Variants in DOCK3 observed in about 807,000 individuals in gnomAD.
DOCK3 encodes the protein dedicator of cytokinesis 3.
DOCK3 carries 60 observed loss-of-function variants against 265.6 expected under a neutral mutation model. The observed-to-expected ratio is 0.23, with a 90% CI of 0.18 to 0.28. The LOEUF (loss-of-function observed/expected upper bound fraction) is 0.28. DOCK3 is among the 10% of genes least tolerant of loss of function. The pLI, the probability that DOCK3 is intolerant of heterozygous loss-of-function variation, is 1.00. For missense variants in DOCK3, 1,981 were observed against 2,594.3 expected, an observed-to-expected ratio of 0.76 and a Z score of 5.14; for synonymous variants, 881 against 938.0, an observed-to-expected ratio of 0.94 and a Z score of 1.11.
At chr3:50,686,908 CAAA>C (rs34051001) in intron 1 of DOCK3, among the ~76,000 whole-genome samples, 3 of 90,696 alleles carry the variant, frequency 3.3e-5, no homozygotes, top group African/African-American at 4.8e-5. Context: ...GACTCCATCT[CAAA>C]AAAAAAAAAA....
chr3:51,249,391 C>T lies in DOCK3; in HGVS notation c.2184+2584C>T, dbSNP rs1454265012. On this transcript the variant is annotated intron_variant, in intron 22 of 52. Coordinates refer to ENST00000266037, the MANE Select transcript of DOCK3 (RefSeq NM_004947.5). ...GAGGGAGGTGGGGGGGTTAGCCCCC[C>T]GCCCGGCCAGCCGCCCCGTCCGGGA... 2.8e-5 allele frequency among the ~76,000 whole-genome samples: 4 copies of T among 142,158 alleles called. No homozygotes were observed. In the South Asian group the frequency reaches 6.7e-4, roughly 24 times the overall value. 93.3% of individuals were successfully genotyped at this position (142,158 alleles called of 152,430 possible).
intron 2 of DOCK3, among the ~76,000 whole-genome samples, chr3:50,800,383 TTG>T (rs200488062): frequency 0.094 from 14,311 of 152,168 alleles, 822 homozygotes; most frequent in Non-Finnish European, 0.12. Flanking sequence ...ATTATTGTTA[TTG>T]GTTCAGATTT....
intron 1 of DOCK3, among the ~76,000 whole-genome samples, chr3:50,713,312 A>G (rs1384947589): frequency 6.6e-6 from 1 of 152,186 alleles, no homozygotes; most frequent in African/African-American, 2.4e-5. Context: ...TCTTGTAAAG[A>G]GTTAAGGTTA....
chr3:51,079,436 A>G (rs547029015), intron 7 of DOCK3, among the ~76,000 whole-genome samples: 1 of 152,152 alleles, frequency 6.6e-6, no homozygotes, highest in South Asian at 2.1e-4. Flanking sequence ...GGGCTCCAGC[A>G]ATCTTCCCAC....
chr3:51,249,100 T>TGG (rs1199887334), intron 22 of DOCK3, among the ~76,000 whole-genome samples: 14 of 92,800 alleles, frequency 1.5e-4, no homozygotes, highest in South Asian at 3.8e-4. Context: ...GGGAGGGAGG[T>TGG]GGGGGGGGTC....
intron 9 of DOCK3, among the ~76,000 whole-genome samples, chr3:51,094,101 G>A (rs2082735740): frequency 6.6e-6 from 1 of 152,196 alleles, no homozygotes; most frequent in African/African-American, 2.4e-5. Flanking sequence ...TTGCATCGAT[G>A]TTCATCAGGG....
intron 32 of DOCK3, among the ~76,000 whole-genome samples, chr3:51,321,399 CA>C (rs1292212069): frequency 1.3e-5 from 2 of 152,112 alleles, no homozygotes; most frequent in Non-Finnish European, 2.9e-5. Context: ...ATGAAAATTC[CA>C]AAAACCAGAA....
intron 1 of DOCK3, among the ~76,000 whole-genome samples, chr3:50,725,159 A>G (rs2037736006): frequency 6.6e-6 from 1 of 152,234 alleles, no homozygotes; most frequent in Admixed American, 6.5e-5. Flanking sequence ...TGAAAGCAAC[A>G]AGAAGAATGA....
chr3:51,378,227 A>T (rs2088296692), intron 51 of DOCK3, among the ~76,000 whole-genome samples: 1 of 152,184 alleles, frequency 6.6e-6, no homozygotes, highest in Non-Finnish European at 1.5e-5. Flanking sequence ...ATACCAGGAG[A>T]CGGGGCAATT....
At chr3:51,140,156 G>A (rs1316964225) in intron 9 of DOCK3, among the ~76,000 whole-genome samples, 2 of 152,138 alleles carry the variant, frequency 1.3e-5, no homozygotes, top group African/African-American at 4.8e-5. Context: ...CAGTTCAGTG[G>A]CTTTTATTAT....
At chr3:50,728,360 A>C (rs1206756062) in intron 1 of DOCK3, among the ~76,000 whole-genome samples, 1 of 152,204 alleles carries the variant, frequency 6.6e-6, no homozygotes, top group Non-Finnish European at 1.5e-5. Flanking sequence ...GTTAGAAGGA[A>C]AGAAAAACTT....
intron 12 of DOCK3, among the ~76,000 whole-genome samples, chr3:51,174,391 C>T (rs891294903): frequency 1.3e-5 from 2 of 152,146 alleles, no homozygotes; most frequent in African/African-American, 2.4e-5. Flanking sequence ...ATCACTTGAA[C>T]GCAGGAGGCG....
intron 26 of DOCK3, chr3:51,278,271 T>A (rs2080921499): frequency 1.1e-5 from 11 of 985,378 alleles, no homozygotes; most frequent in Non-Finnish European, 1.3e-5. Context: ...AATAACGATT[T>A]TTCTGTGATC....
chr3:51,213,987 T>C, intron 13 of DOCK3, 135 bp from the exon 14 acceptor site: 4 of 1,153,748 alleles, frequency 3.5e-6, no homozygotes, highest in Non-Finnish European at 4.9e-6. Flanking sequence ...TAACTTATAC[T>C]GTCTGCATAA....
At chr3:51,268,964 T>C (rs1265423400) in intron 23 of DOCK3, among the ~76,000 whole-genome samples, 1 of 152,030 alleles carries the variant, frequency 6.6e-6, no homozygotes, top group Non-Finnish European at 1.5e-5. Flanking sequence ...TGTAACACAA[T>C]AATGCCCTGT....
At chr3:50,752,068 G>C (rs2039852142) in intron 1 of DOCK3, among the ~76,000 whole-genome samples, 1 of 152,110 alleles carries the variant, frequency 6.6e-6, no homozygotes, top group Non-Finnish European at 1.5e-5. Flanking sequence ...TATCACCCCA[G>C]TACCTGCAAT....
chr3:51,068,091 G>A (rs934265621), intron 6 of DOCK3, among the ~76,000 whole-genome samples: 5 of 152,160 alleles, frequency 3.3e-5, no homozygotes, highest in Non-Finnish European at 7.3e-5. Context: ...AAACTCTTAT[G>A]CCTTTTCTCT....
chr3:50,687,432 C>T (rs1214486498), intron 1 of DOCK3, among the ~76,000 whole-genome samples: 1 of 152,188 alleles, frequency 6.6e-6, no homozygotes, highest in Non-Finnish European at 1.5e-5. Flanking sequence ...CCAGTAGTGA[C>T]TGACTGTTTT....
rs374982242 is a variant in DOCK3, at chr3:51,021,902, C to T, written c.316-42546C>T. Among the ~76,000 whole-genome samples, 104 of 152,176 alleles carry T rather than the reference C, an allele frequency of 6.8e-4. 1 individual carries two copies. The East Asian group carries it at 0.017, about 25-fold the overall frequency. ...GGTCTCGAACTCCTGACCTTGTGATCTGCCTGCCTCGGCCTCCCTAAGTGC... is the reference window on the plus strand; with the variant it reads ...GGTCTCGAACTCCTGACCTTGTGATTTGCCTGCCTCGGCCTCCCTAAGTGC... On this transcript the variant is annotated intron_variant, in intron 5 of 52. Coordinates refer to ENST00000266037, the MANE Select transcript of DOCK3 (RefSeq NM_004947.5).
Sources: gnomAD v4.1 joint callset for allele counts (sites outside exome capture counted in the v4.1 genomes callset) on GRCh38, gnomAD v4.1.1 for gene constraint, MANE v1.5 for transcripts, NCBI Gene and HGNC (gene_info 2026-07-23, HGNC 2026-07-21) for gene names.